The following SLC6A16 variants were observed in gnomAD, a reference collection of about 807,000 sequenced individuals.
The protein encoded by SLC6A16 is orphan sodium- and chloride-dependent neurotransmitter transporter NTT5.
In SLC6A16, 54 loss-of-function variants were observed where a neutral mutation model predicts 65.4. The observed-to-expected ratio is 0.83, with a 90% CI of 0.66 to 1.04. The LOEUF is 1.04. Among genes scored for constraint, SLC6A16 ranks in the 50% least tolerant of loss-of-function variants. SLC6A16 has a pLI of 0.00. For synonymous variants in SLC6A16, 330 were observed against 346.5 expected (o/e 0.95, Z 0.53); for missense variants, 816 against 914.0 (o/e 0.89, Z 1.38).
At position 49,290,592 on chromosome 19, in the gene SLC6A16, G is replaced by A. The variant is rs762692837; in HGVS notation, c.1941+13C>T. ...TACTCCCAAAGGGGTTCTGGGTCCT[G>A]GGGGAGGCTCACGGTGCTTGAGTCC... On this transcript the variant is annotated intron_variant, in intron 11 of 11. Transcript: ENST00000335875. The A allele has an allele frequency of 8.1e-6, 13 of 1,613,674 alleles. No homozygotes were observed. In the East Asian group the frequency reaches 2.9e-4, roughly 36 times the overall value.
intron 1 of SLC6A16, among the ~76,000 whole-genome samples, chr19:49,321,924 C>CAAA (rs577442023): frequency 9.3e-6 from 1 of 107,020 alleles, no homozygotes. Flanking sequence ...CATGTCTCAG[C>CAAA]AAAAAAAAAA....
At chr19:49,339,804 T>G in the SLC6A16 span, 1 of 1,350,298 alleles carries the variant, frequency 7.4e-7, no homozygotes, top group Non-Finnish European at 9.5e-7. The surrounding 1 kb of genome is among the most constrained non-coding windows in gnomAD (Gnocchi z 4.5). Flanking sequence ...GTCTGTGGGG[T>G]GGCTGGGGCA....
At chr19:49,325,200 C>A (rs973388636), upstream of SLC6A16, 1 of 985,404 alleles carries the variant, frequency 1.0e-6, no homozygotes, top group Admixed American at 6.1e-5. Context: ...CTGCCTGGCG[C>A]GCGGCCTTTC....
chr19:49,302,735 C>CA (rs1970312836), intron 7 of SLC6A16, among the ~76,000 whole-genome samples: 1 of 152,014 alleles, frequency 6.6e-6, no homozygotes, highest in Admixed American at 6.6e-5. Context: ...AACAATTTAA[C>CA]AAAATCAGGA....
chr19:49,317,175 A>AG, intron 1 of SLC6A16, among the ~76,000 whole-genome samples: 1 of 151,322 alleles, frequency 6.6e-6, no homozygotes, highest in East Asian at 2.0e-4. Context: ...CCCCATCTCT[A>AG]CCAAAAAATA....
upstream of SLC6A16, among the ~76,000 whole-genome samples, chr19:49,326,452 C>T (rs537640323): frequency 2.6e-5 from 4 of 152,238 alleles, no homozygotes; most frequent in East Asian, 7.7e-4. Context: ...CCCAGGAGTC[C>T]CTGAGCCACA....
At chr19:49,339,339 C>A in the SLC6A16 span, 6 of 1,613,946 alleles carry the variant, frequency 3.7e-6, no homozygotes, top group Admixed American at 1.0e-4. The surrounding 1 kb of genome is among the most constrained non-coding windows in gnomAD (Gnocchi z 4.5). Flanking sequence ...GGGCTGCGCG[C>A]AGGGCCTCCA....
the SLC6A16 span, chr19:49,340,089 G>A: frequency 6.5e-6 from 10 of 1,531,434 alleles, no homozygotes; most frequent in African/African-American, 4.1e-5. Context: ...CCAGCCCTGC[G>A]GCAGTTCCCG....
rs752732302 is a variant in SLC6A16 at position 49,311,333 on chromosome 19, G to A, written c.15C>T (p.Ala5=). 8.2e-6 allele frequency: 13 copies of A among 1,586,260 alleles called. No individual in the cohort carries two copies. Among genetic ancestry groups the A allele is most frequent in the Non-Finnish European group, 1.1e-5 (13 of 1,166,476 alleles). The change falls in exon 2 of 12, where the codon GCC becomes GCT. Residue 5 remains alanine, a synonymous_variant. Coordinates refer to ENST00000335875, the MANE Select transcript of SLC6A16 (RefSeq NM_014037.3). The part of the protein sequence containing the change: MKTE[A]QPSTSLLANT... ...TTGCCAGCAAGGATGTCGAAGGCTG[G>A]GCCTCTGTCTTCATCTCACACAGAC...
Position 49,311,218 on chromosome 19 carries a change from A to G in SLC6A16, c.130T>C (p.Ser44Pro). The change falls in exon 2 of 12, where the codon TCT (serine) becomes CCT (proline). Residue 44 changes from serine (S) to proline (P), a missense_variant. Coordinates refer to ENST00000335875, the MANE Select transcript of SLC6A16 (RefSeq NM_014037.3). ...GAAACTTGGGCCTCTGAGGTCCAAG[A>G]TGTTGCAGACCGGGTCAATGAACCC... ...DKGSLTRSAT[S>P]WTSEAQVSAA... The G allele has an allele frequency of 6.2e-7, 1 of 1,614,140 alleles. No homozygotes were observed. Among genetic ancestry groups the G allele is most frequent in the Non-Finnish European group, 8.5e-7 (1 of 1,180,016 alleles).
At chr19:49,290,986 C>A (rs1236068621) in intron 10 of SLC6A16, among the ~76,000 whole-genome samples, 1 of 152,184 alleles carries the variant, frequency 6.6e-6, no homozygotes, top group African/African-American at 2.4e-5. Context: ...AAGAACTTTC[C>A]ATGGGTATCC....
At chr19:49,339,432 C>G in the SLC6A16 span, 39 of 1,607,726 alleles carry the variant, frequency 2.4e-5, 1 homozygote, top group Middle Eastern at 4.9e-4. The surrounding 1 kb of genome is among the most constrained non-coding windows in gnomAD (Gnocchi z 4.5). Context: ...GCCCCGCCCC[C>G]ACCCGCGATC....
At chr19:49,315,331 C>A (rs1970596950) in intron 1 of SLC6A16, among the ~76,000 whole-genome samples, 1 of 152,150 alleles carries the variant, frequency 6.6e-6, no homozygotes, top group African/African-American at 2.4e-5. Flanking sequence ...AAGCTGTATG[C>A]CAGAGAATGC....
chr19:49,319,094 G>A (rs921210175), intron 1 of SLC6A16, among the ~76,000 whole-genome samples: 1 of 151,426 alleles, frequency 6.6e-6, no homozygotes, highest in Non-Finnish European at 1.5e-5. Flanking sequence ...ATTACTGGCA[G>A]ATTTTAATAA....
At chr19:49,300,423 T>C (rs1010667113) in intron 7 of SLC6A16, among the ~76,000 whole-genome samples, 5 of 152,134 alleles carry the variant, frequency 3.3e-5, no homozygotes, top group African/African-American at 9.7e-5. Flanking sequence ...AGCCCTTATC[T>C]TGAAAGACAG....
At chr19:49,331,637 T>G in the SLC6A16 span, 70 of 398,432 alleles carry the variant, frequency 1.8e-4, no homozygotes, top group South Asian at 1.2e-3. Context: ...AAATGCTTTA[T>G]GTAAGTCCAA....
At chr19:49,323,559 T>C (rs951002410) in intron 1 of SLC6A16, among the ~76,000 whole-genome samples, 4 of 152,112 alleles carry the variant, frequency 2.6e-5, no homozygotes, top group African/African-American at 7.2e-5. Context: ...AAGACTTAAA[T>C]AGACATTTCT....
At chr19:49,298,396 C>CA (rs1215389750) in intron 7 of SLC6A16, among the ~76,000 whole-genome samples, 1 of 151,958 alleles carries the variant, frequency 6.6e-6, no homozygotes, top group Non-Finnish European at 1.5e-5. Context: ...ATTTGATAAG[C>CA]AAAAAATAAA....
chr19:49,334,039 C>T, the SLC6A16 span, among the ~76,000 whole-genome samples: 131 of 148,112 alleles, frequency 8.8e-4, no homozygotes, highest in Middle Eastern at 3.5e-3. Flanking sequence ...CAGCGCCCTC[C>T]CCACTCCCAG....
Sources: allele counts gnomAD v4.1 joint callset (sites outside exome capture counted in the v4.1 genomes callset), GRCh38; gene constraint gnomAD v4.1.1; non-coding constraint Gnocchi (gnomAD v3.1); transcripts MANE v1.5; gene names NCBI Gene and HGNC (gene_info 2026-07-23, HGNC 2026-07-21).